Variants in EXOSC1 observed in about 807,000 individuals in gnomAD.
EXOSC1 encodes the protein exosome complex component CSL4.
In EXOSC1, 27 loss-of-function variants were observed where a neutral mutation model predicts 31.4. The ratio of observed to expected loss-of-function variants is 0.86; its 90% confidence interval spans 0.63 to 1.18. EXOSC1 has a LOEUF of 1.18. Ranked by LOEUF, EXOSC1 falls within the 50% of genes most tolerant of loss-of-function variation. The pLI is 0.00. For missense variants in EXOSC1, 228 were observed against 250.3 expected (o/e 0.91, Z 0.60); for synonymous variants, 84 against 89.5 (o/e 0.94, Z 0.35).
rs960404099 is a variant in EXOSC1, at chr10:97,436,305, T to C, written c.*140A>G. ...ATCCACTGATAGGTTCACAGAAACA[T>C]GTTCCATCTACAGCGTAAACTGGAA... On this transcript the variant is annotated 3_prime_UTR_variant, in exon 8 of 8. Coordinates refer to ENST00000370902, the MANE Select transcript of EXOSC1 (RefSeq NM_016046.5). The C allele has an allele frequency of 2.4e-5, 16 of 658,478 alleles. No individual in the cohort carries two copies. Among genetic ancestry groups the C allele is most frequent in the Middle Eastern group, 2.6e-4 (1 of 3,900 alleles). The allele number at this position is 658,478 out of a possible 1,614,324, so 40.8% of individuals were successfully genotyped here. A position where few individuals can be genotyped will look rare whatever the true frequency, so the allele number is the denominator to read the frequency against.
intron 2 of EXOSC1, among the ~76,000 whole-genome samples, chr10:97,443,586 G>A (rs1192509990): frequency 2.0e-5 from 3 of 152,038 alleles, no homozygotes; most frequent in African/African-American, 4.8e-5. Context: ...GCAGTGGCAC[G>A]ATCTCGGCTC....
Position 97,436,228 on chromosome 10 carries a change from TTTTG to T in EXOSC1, c.*213_*216del. ...GGATAGGCTATTTCCAATATCACAG[TTTTG>T]TTTGTTGGTGCCTTGAAAAGATAAG... On this transcript the variant is annotated 3_prime_UTR_variant, in exon 8 of 8. Coordinates refer to ENST00000370902, the MANE Select transcript of EXOSC1 (RefSeq NM_016046.5). 2.3e-6 allele frequency: 1 copy of T among 443,344 alleles called. No individual in the cohort carries two copies. The highest frequency in any genetic ancestry group is 4.0e-6 in the Non-Finnish European group (1 of 250,276). The allele number at this position is 443,344 out of a possible 1,614,324, so 27.5% of individuals were successfully genotyped here. A position where few individuals can be genotyped will look rare whatever the true frequency, so the allele number is the denominator to read the frequency against.
intron 2 of EXOSC1, chr10:97,443,752 T>C (rs746988591): frequency 6.3e-6 from 1 of 159,218 alleles, no homozygotes; most frequent in African/African-American, 2.4e-5. Context: ...CAGAATTTCT[T>C]GGTATACAAC....
Position 97,436,210 on chromosome 10 carries a change from CTATT to C in EXOSC1, c.*231_*234del. On this transcript the variant is annotated 3_prime_UTR_variant, in exon 8 of 8. Transcript: ENST00000370902. The stretch of plus-strand genomic sequence containing the variant: ...TATAAGGACTGTCAGGAGGGATAGG[CTATT>C]TCCAATATCACAGTTTTGTTTGTTG... 1 of 420,166 alleles carries C rather than the reference CTATT, an allele frequency of 2.4e-6. No individual in the cohort carries two copies. Among genetic ancestry groups the C allele is most frequent in the Middle Eastern group, 6.7e-4 (1 of 1,482 alleles). The allele number at this position is 420,166 out of a possible 1,614,324, so 26.0% of individuals were successfully genotyped here. A position where few individuals can be genotyped will look rare whatever the true frequency, so the allele number is the denominator to read the frequency against.
chr10:97,443,107 G>A, intron 3 of EXOSC1, 130 bp downstream of exon 3: 1 of 762,506 alleles, frequency 1.3e-6, no homozygotes, highest in Non-Finnish European at 2.2e-6. Flanking sequence ...TTACCAGTGT[G>A]AGCCACTGTG....
intron 2 of EXOSC1, 171 bp downstream of exon 2, chr10:97,445,559 AGT>A: frequency 1.6e-6 from 1 of 628,714 alleles, no homozygotes; most frequent in East Asian, 2.8e-5. Flanking sequence ...CAACACAACT[AGT>A]GTGTGGTGGC....
rs117736244 is a variant in EXOSC1 at position 97,443,561 on chromosome 10, C to T, written c.148-250G>A. On this transcript the variant is annotated intron_variant, in intron 2 of 7. Transcript: ENST00000370902. The stretch of plus-strand genomic sequence containing the variant: ...TGTTGGAGACGGAGTCTTGCTCTGT[C>T]GCCTAGACTGGAGTGCAGTGGCACG... Among the ~76,000 whole-genome samples, 295 of 152,310 alleles carry T rather than the reference C, an allele frequency of 1.9e-3. 1 individual carries two copies. The highest frequency in any genetic ancestry group is 3.5e-3 in the Non-Finnish European group (238 of 68,028).
chr10:97,437,611 G>T, intron 6 of EXOSC1, 89 bp downstream of exon 6: 1 of 1,275,296 alleles, frequency 7.8e-7, no homozygotes, highest in East Asian at 2.3e-5. Context: ...GCCTCCGAAA[G>T]TGCTGGGATT....
At chr10:97,441,124 A>G (rs1192758717) in intron 4 of EXOSC1, 47 bp downstream of exon 4, 2 of 1,477,082 alleles carry the variant, frequency 1.4e-6, no homozygotes, top group Admixed American at 1.7e-5. Context: ...AGTCTATCCT[A>G]ATCTTATTCC....
chr10:97,445,680 A>T, intron 2 of EXOSC1, 52 bp downstream of exon 2: 1 of 1,565,940 alleles, frequency 6.4e-7, no homozygotes, highest in South Asian at 1.1e-5. Flanking sequence ...ACTGGAACTC[A>T]AGGGCAGCCT....
chr10:97,439,534 C>G (rs1427360705), intron 4 of EXOSC1, among the ~76,000 whole-genome samples: 1 of 152,202 alleles, frequency 6.6e-6, no homozygotes, highest in Non-Finnish European at 1.5e-5. Context: ...GTCACTGTCT[C>G]CCATCACCCC....
rs1272358288 is a variant in EXOSC1 at position 97,436,078 on chromosome 10, G to C, written c.*367C>G. The C allele has an allele frequency of 3.9e-6, 1 of 258,074 alleles. No individual in the cohort carries two copies. The highest frequency in any genetic ancestry group is 7.4e-6 in the Non-Finnish European group (1 of 134,238). 16.0% of individuals were successfully genotyped at this position (258,074 alleles called of 1,614,324 possible). A position where few individuals can be genotyped will look rare whatever the true frequency, so the allele number is the denominator to read the frequency against. ...CACAGTAAGTACTCAATAAGCAGAA[G>C]TACTGAAATGTCCTGACACCATTTA... On this transcript the variant is annotated 3_prime_UTR_variant, in exon 8 of 8. Coordinates refer to ENST00000370902, the MANE Select transcript of EXOSC1 (RefSeq NM_016046.5).
At chr10:97,441,486 GTT>G (rs781273557) in intron 3 of EXOSC1, among the ~76,000 whole-genome samples, 13 of 133,490 alleles carry the variant, frequency 9.7e-5, no homozygotes, top group Admixed American at 1.5e-4. Flanking sequence ...GGTGGTATGG[GTT>G]TTTTTTTTTT....
At chr10:97,442,483 G>A (rs1589466958) in intron 3 of EXOSC1, among the ~76,000 whole-genome samples, 2 of 152,312 alleles carry the variant, frequency 1.3e-5, no homozygotes, top group South Asian at 2.1e-4. Flanking sequence ...TGGCTATTGA[G>A]TACTTGAAAT....
chr10:97,436,628 G>C, intron 7 of EXOSC1, 77 bp from the exon 8 acceptor site: 2 of 1,363,020 alleles, frequency 1.5e-6, no homozygotes. Context: ...TGGGTATGAA[G>C]CTGAAGTGCC....
At chr10:97,438,607 A>G in intron 5 of EXOSC1, 63 bp downstream of exon 5, 1 of 1,479,804 alleles carries the variant, frequency 6.8e-7, no homozygotes, top group Non-Finnish European at 9.4e-7. Context: ...GCCTGGCCTG[A>G]GATAATACTT....
Position 97,437,190 on chromosome 10 carries a change from C to A in EXOSC1, c.481+1G>T. On this transcript the variant is annotated splice_donor_variant, in intron 7 of 7. Transcript: ENST00000370902. LOFTEE classifies it high-confidence loss of function. Reference sequence around the variant, plus strand: ...AGGATGTGGAAACAAGGCCATCTCACCTGACTCACTGTGGGCTACCACCAC... The same window carrying A: ...AGGATGTGGAAACAAGGCCATCTCAACTGACTCACTGTGGGCTACCACCAC... 1 of 1,613,858 alleles carries A rather than the reference C, an allele frequency of 6.2e-7. No individual in the cohort carries two copies. Among genetic ancestry groups the A allele is most frequent in the South Asian group, 1.1e-5 (1 of 91,074 alleles).
intron 7 of EXOSC1, 137 bp from the exon 8 acceptor site, chr10:97,436,688 T>C (rs1845548366): frequency 2.9e-6 from 2 of 695,350 alleles, no homozygotes; most frequent in African/African-American, 3.7e-5. Flanking sequence ...CTTTGTTCAT[T>C]CTACTGACTT....
Position 97,445,755 on chromosome 10 carries a change from TCAGA to T in EXOSC1, c.120_123del (p.Cys40Ter), listed in dbSNP as rs1403659406. 1 of 1,613,694 alleles carries T rather than the reference TCAGA, an allele frequency of 6.2e-7. No individual in the cohort carries two copies. Among genetic ancestry groups the T allele is most frequent in the Non-Finnish European group, 8.5e-7 (1 of 1,179,764 alleles). On this transcript the variant is annotated frameshift_variant, in exon 2 of 8. Coordinates refer to ENST00000370902, the MANE Select transcript of EXOSC1 (RefSeq NM_016046.5). LOFTEE classifies it high-confidence loss of function. ...ACCGCGCCATTCTCGCTGCTCTTCA[TCAGA>T]CAGCCGGCAAGCGACGAAAAGATGT...
Sources: gnomAD v4.1 joint callset for allele counts (sites outside exome capture counted in the v4.1 genomes callset) on GRCh38, gnomAD v4.1.1 for gene constraint, MANE v1.5 for transcripts, NCBI Gene and HGNC (gene_info 2026-07-23, HGNC 2026-07-21) for gene names.